The following MIS18A variants were observed in gnomAD, a reference collection of about 807,000 sequenced individuals.
MIS18A encodes the protein protein Mis18-alpha.
Under a neutral mutation model 25.0 loss-of-function variants are expected in MIS18A, and 14 were observed. The observed-to-expected ratio is 0.56, with a 90% CI of 0.37 to 0.88. MIS18A has a LOEUF of 0.88. Ranked by LOEUF, MIS18A falls within the 40% of genes least tolerant of loss-of-function variation. The probability of loss-of-function intolerance (pLI) is 0.00; values close to 1 mark genes in which losing one functional copy is unlikely to be tolerated. For missense variants in MIS18A, 292 were observed against 290.8 expected, an observed-to-expected ratio of 1.00 and a Z score of -0.03; for synonymous variants, 134 against 118.6, an observed-to-expected ratio of 1.13 and a Z score of -0.84.
the MIS18A span, among the ~76,000 whole-genome samples, chr21:32,219,361 G>A: frequency 1.3e-5 from 2 of 152,142 alleles, no homozygotes; most frequent in Non-Finnish European, 2.9e-5. Flanking sequence ...GCCTCACCCG[G>A]GAAGTGCAAG....
At chr21:32,236,465 CA>C in the MIS18A span, among the ~76,000 whole-genome samples, 3 of 2,040 alleles carry the variant, frequency 1.5e-3, no homozygotes, top group Non-Finnish European at 2.5e-3. Context: ...TAACACTGGT[CA>C]AAAAAATAAA....
downstream of MIS18A, among the ~76,000 whole-genome samples, chr21:32,266,045 G>A (rs1024565525): frequency 6.6e-6 from 1 of 151,954 alleles, no homozygotes; most frequent in African/African-American, 2.4e-5. Flanking sequence ...GCTCTGGCAA[G>A]GACGTGGAGA....
the MIS18A span, among the ~76,000 whole-genome samples, chr21:32,200,734 C>T: frequency 2.6e-5 from 4 of 152,058 alleles, no homozygotes; most frequent in Non-Finnish European, 5.9e-5. Flanking sequence ...CACCGTGCCC[C>T]GCCCAAGGCT....
the MIS18A span, among the ~76,000 whole-genome samples, chr21:32,248,143 G>A: frequency 3.3e-5 from 5 of 152,214 alleles, no homozygotes; most frequent in African/African-American, 7.2e-5. Context: ...AAATCCAGGA[G>A]AGACCCCAAC....
the MIS18A span, among the ~76,000 whole-genome samples, chr21:32,219,503 G>A: frequency 2.0e-5 from 3 of 152,196 alleles, no homozygotes; most frequent in Non-Finnish European, 2.9e-5. Flanking sequence ...ATTCCCTTGG[G>A]TGCCATACCA....
chr21:32,245,654 G>A, the MIS18A span, among the ~76,000 whole-genome samples: 1 of 152,194 alleles, frequency 6.6e-6, no homozygotes, highest in Non-Finnish European at 1.5e-5. Context: ...GTCAAGCAGT[G>A]TGAGCCCACC....
chr21:32,209,712 T>TA, the MIS18A span, among the ~76,000 whole-genome samples: 2 of 152,146 alleles, frequency 1.3e-5, no homozygotes, highest in Admixed American at 6.6e-5. Flanking sequence ...GCGGTTACCC[T>TA]AGTGCTGCTG....
chr21:32,270,908 T>C (rs1569014224), intron 2 of MIS18A, among the ~76,000 whole-genome samples: 1 of 152,228 alleles, frequency 6.6e-6, no homozygotes, highest in Non-Finnish European at 1.5e-5. Flanking sequence ...GAAGCACCTA[T>C]AGACAATACT....
the MIS18A span, among the ~76,000 whole-genome samples, chr21:32,229,885 TTTCA>T: frequency 3.7e-3 from 560 of 152,346 alleles, 2 homozygotes; most frequent in South Asian, 7.2e-3. Context: ...AAAGTTCTGC[TTTCA>T]TTCCTTTATT....
chr21:32,231,487 C>A, the MIS18A span, among the ~76,000 whole-genome samples: 1 of 152,068 alleles, frequency 6.6e-6, no homozygotes, highest in Non-Finnish European at 1.5e-5. Flanking sequence ...AACCACAATG[C>A]GATATCACGT....
At chr21:32,199,665 A>G in the MIS18A span, among the ~76,000 whole-genome samples, 2 of 152,030 alleles carry the variant, frequency 1.3e-5, no homozygotes, top group African/African-American at 4.8e-5. Context: ...AAAATTAGCC[A>G]GGCATGGTGA....
the MIS18A span, among the ~76,000 whole-genome samples, chr21:32,236,815 G>A: frequency 6.6e-6 from 1 of 152,184 alleles, no homozygotes; most frequent in Non-Finnish European, 1.5e-5. Context: ...TTTAACTTGG[G>A]AGCCATGAGT....
At chr21:32,157,808 A>G in the MIS18A span, among the ~76,000 whole-genome samples, 1 of 152,164 alleles carries the variant, frequency 6.6e-6, no homozygotes, top group African/African-American at 2.4e-5. Flanking sequence ...AATTGATACT[A>G]TGTTTATAAA....
the MIS18A span, among the ~76,000 whole-genome samples, chr21:32,229,355 G>A: frequency 6.6e-6 from 1 of 152,202 alleles, no homozygotes; most frequent in East Asian, 1.9e-4. Context: ...AGGATCTAGG[G>A]CAATCTGGGG....
chr21:32,239,770 T>C, the MIS18A span, among the ~76,000 whole-genome samples: 1 of 152,340 alleles, frequency 6.6e-6, no homozygotes, highest in African/African-American at 2.4e-5. Flanking sequence ...CTGTTGCTGC[T>C]TTTAAACAAA....
At chr21:32,190,300 A>G in the MIS18A span, among the ~76,000 whole-genome samples, 1 of 152,178 alleles carries the variant, frequency 6.6e-6, no homozygotes, top group South Asian at 2.1e-4. Context: ...CCCCTCTGGT[A>G]GCTAAAGGTG....
the MIS18A span, among the ~76,000 whole-genome samples, chr21:32,249,722 G>A: frequency 6.6e-6 from 1 of 152,116 alleles, no homozygotes; most frequent in African/African-American, 2.4e-5. Context: ...GGGAGGAAGG[G>A]CGAGAGGGAG....
chr21:32,209,560 T>C, the MIS18A span, among the ~76,000 whole-genome samples: 2 of 152,206 alleles, frequency 1.3e-5, no homozygotes, highest in Non-Finnish European at 2.9e-5. Context: ...TGCACCAACA[T>C]AAGAACACTA....
At chr21:32,240,592 T>A in the MIS18A span, among the ~76,000 whole-genome samples, 774 of 152,344 alleles carry the variant, frequency 5.1e-3, 39 homozygotes, top group East Asian at 0.11. Flanking sequence ...TGGTTTCTTC[T>A]CCATCTACAG....
Sources: allele counts gnomAD v4.1 joint callset (sites outside exome capture counted in the v4.1 genomes callset), GRCh38; gene constraint gnomAD v4.1.1; transcripts MANE v1.5; gene names NCBI Gene and HGNC (gene_info 2026-07-23, HGNC 2026-07-21).